The following OTULIN variants were observed in gnomAD, a reference collection of about 807,000 sequenced individuals.
OTULIN encodes the protein ubiquitin thioesterase otulin.
In OTULIN, 15 loss-of-function variants were observed where a neutral mutation model predicts 39.6. The observed-to-expected ratio is 0.38, with a 90% CI of 0.25 to 0.58. OTULIN has a LOEUF of 0.58. OTULIN is among the 20% of genes least tolerant of loss of function. The pLI is 0.66. For synonymous variants in OTULIN, 156 were observed against 170.3 expected, an observed-to-expected ratio of 0.92 and a Z score of 0.65; for missense variants, 319 against 445.9, an observed-to-expected ratio of 0.72 and a Z score of 2.56.
chr5:14,688,253 C>T (rs1302004831), intron 5 of OTULIN, among the ~76,000 whole-genome samples: 4 of 152,132 alleles, frequency 2.6e-5, no homozygotes, highest in African/African-American at 7.2e-5. Flanking sequence ...CTTACATGAC[C>T]CCTAGCTTGC....
chr5:14,710,954 TA>T, the OTULIN span: 1 of 494,124 alleles, frequency 2.0e-6, no homozygotes. Flanking sequence ...GAGGCAGGGG[TA>T]TGAAGTCAGT....
chr5:14,670,450 G>C (rs1412345619), intron 1 of OTULIN, among the ~76,000 whole-genome samples: 2 of 151,870 alleles, frequency 1.3e-5, no homozygotes, highest in Non-Finnish European at 2.9e-5. Flanking sequence ...TTATTTTTTG[G>C]CTCTGTTTCT....
At chr5:14,702,285 G>A (rs533709979), downstream of OTULIN, among the ~76,000 whole-genome samples, 12 of 152,250 alleles carry the variant, frequency 7.9e-5, no homozygotes, top group South Asian at 6.2e-4. Flanking sequence ...TGGGCTGAAG[G>A]CCACAGCCCT....
rs1215863653 is a variant in OTULIN, at chr5:14,695,999, T to A, written c.*2951T>A. The A allele has an allele frequency of 6.6e-6, 1 of 152,130 alleles. No homozygotes were observed. Among genetic ancestry groups the A allele is most frequent in the Non-Finnish European group, 1.5e-5 (1 of 68,000 alleles). 9.4% of individuals were successfully genotyped at this position (152,130 alleles called of 1,614,324 possible). On this transcript the variant is annotated 3_prime_UTR_variant, in exon 7 of 7. Coordinates refer to ENST00000284274, the MANE Select transcript of OTULIN (RefSeq NM_138348.6). ...ACGGACATTGCCTTGGTATGTTTTT[T>A]TTTTTTTTTCCCTCCACTTTTGGAG...
intron 2 of OTULIN, chr5:14,673,948 A>C: frequency 3.2e-6 from 1 of 310,558 alleles, no homozygotes. Flanking sequence ...TTTCACACCT[A>C]TGAGGATTGT....
In OTULIN at chr5:14,697,654, T is replaced by G. The variant is rs925325879; in HGVS notation, c.*4606T>G. 2 of 152,224 alleles carry G rather than the reference T, an allele frequency of 1.3e-5. No individual in the cohort carries two copies. Among genetic ancestry groups the G allele is most frequent in the South Asian group, 4.1e-4 (2 of 4,830 alleles). The allele number at this position is 152,224 out of a possible 1,614,324, so 9.4% of individuals were successfully genotyped here. A position where few individuals can be genotyped will look rare whatever the true frequency, so the allele number is the denominator to read the frequency against. On this transcript the variant is annotated 3_prime_UTR_variant, in exon 7 of 7. Transcript: ENST00000284274. ...GATGTGTGTGTGGTCCCAGACCTCA[T>G]GGCCACCAGTTTGTTTAAGCATTGT... is the stretch of plus-strand genomic sequence containing the variant.
At chr5:14,673,990 A>C (rs1029605936) in intron 2 of OTULIN, 9 of 213,976 alleles carry the variant, frequency 4.2e-5, no homozygotes, top group Non-Finnish European at 7.4e-5. Context: ...GTCCTCTCTC[A>C]GTTCTTGATT....
chr5:14,703,324 C>CAAAAAA (rs59779015), downstream of OTULIN, among the ~76,000 whole-genome samples: 19 of 122,090 alleles, frequency 1.6e-4, 1 homozygote, highest in Admixed American at 2.4e-4. Flanking sequence ...TTAATAGTGT[C>CAAAAAA]AAAAAAAAAA....
chr5:14,678,036 G>A lies in OTULIN; in HGVS notation c.230-645G>A, dbSNP rs1736149001. Reference sequence around the variant, plus strand: ...GGAGCTTGTGTTTTACTGTATTTTTGTATGGGTGTGTGTGGGGGGTGGTGG... The same window carrying A: ...GGAGCTTGTGTTTTACTGTATTTTTATATGGGTGTGTGTGGGGGGTGGTGG... On this transcript the variant is annotated intron_variant, in intron 2 of 6. Transcript: ENST00000284274. 2.0e-5 allele frequency among the ~76,000 whole-genome samples: 3 copies of A among 152,322 alleles called. No individual in the cohort carries two copies. The South Asian group carries it at 6.2e-4, about 32-fold the overall frequency.
At chr5:14,681,406 T>TTA in intron 3 of OTULIN, 58 bp from the exon 4 acceptor site, 1 of 1,530,968 alleles carries the variant, frequency 6.5e-7, no homozygotes, top group Non-Finnish European at 8.8e-7. Context: ...GAATGAAACT[T>TTA]TCTCTGCTAT....
At chr5:14,670,745 C>T (rs1301186157) in intron 1 of OTULIN, among the ~76,000 whole-genome samples, 1 of 152,000 alleles carries the variant, frequency 6.6e-6, no homozygotes, top group Non-Finnish European at 1.5e-5. Flanking sequence ...GGGGGGATTA[C>T]AGGTGAGTGC....
At chr5:14,672,120 G>T (rs1735993933) in intron 1 of OTULIN, among the ~76,000 whole-genome samples, 1 of 152,192 alleles carries the variant, frequency 6.6e-6, no homozygotes, top group Non-Finnish European at 1.5e-5. Flanking sequence ...TGATGTGTTT[G>T]GCAGGGGGCA....
the OTULIN span, chr5:14,705,604 C>G: frequency 3.9e-5 from 6 of 152,530 alleles, no homozygotes; most frequent in Admixed American, 3.9e-4. Context: ...CTCCTTGGCC[C>G]TACTAGCTTT....
rs1479417162 is a variant in OTULIN at position 14,699,211 on chromosome 5, A to G, written c.*6163A>G. 1 of 152,266 alleles carries G rather than the reference A, an allele frequency of 6.6e-6. No homozygotes were observed. Among genetic ancestry groups the G allele is most frequent in the African/African-American group, 2.4e-5 (1 of 41,458 alleles). The allele number at this position is 152,266 out of a possible 1,614,324, so 9.4% of individuals were successfully genotyped here. On this transcript the variant is annotated 3_prime_UTR_variant, in exon 7 of 7. Transcript: ENST00000284274. The stretch of plus-strand genomic sequence containing the variant: ...TGGCAAGAACTTCAACAAATTGCTT[A>G]TGAATCAGGCTCTCAATGGAAGAAG...
chr5:14,703,881 G>A (rs1186311311), downstream of OTULIN, among the ~76,000 whole-genome samples: 1 of 152,154 alleles, frequency 6.6e-6, no homozygotes, highest in Admixed American at 6.5e-5. Flanking sequence ...AAAAGGAGCA[G>A]TAAGGAAGGA....
intron 6 of OTULIN, among the ~76,000 whole-genome samples, chr5:14,692,452 G>A (rs1417543900): frequency 1.3e-5 from 2 of 152,152 alleles, no homozygotes; most frequent in Non-Finnish European, 2.9e-5. Context: ...CTATCTCATT[G>A]TAGTTGGATT....
intron 4 of OTULIN, among the ~76,000 whole-genome samples, chr5:14,685,653 T>G (rs250439): frequency 1.3e-5 from 2 of 152,030 alleles, no homozygotes; most frequent in Admixed American, 1.3e-4. Context: ...TCAGAAACAA[T>G]TGTTTCTCTC....
chr5:14,671,522 G>A (rs1735977958), intron 1 of OTULIN, among the ~76,000 whole-genome samples: 3 of 152,232 alleles, frequency 2.0e-5, no homozygotes, highest in Admixed American at 1.3e-4. Flanking sequence ...GGGGCTGAAA[G>A]ATGTTAAATT....
chr5:14,689,937 C>A (rs1736482204), intron 5 of OTULIN, 102 bp from the exon 6 acceptor site: 1 of 1,229,376 alleles, frequency 8.1e-7, no homozygotes, highest in Non-Finnish European at 1.1e-6. Context: ...GGTAAGTGAC[C>A]CATGGTCACT....
Sources: gnomAD v4.1 joint callset for allele counts (sites outside exome capture counted in the v4.1 genomes callset) on GRCh38, gnomAD v4.1.1 for gene constraint, MANE v1.5 for transcripts, NCBI Gene and HGNC (gene_info 2026-07-23, HGNC 2026-07-21) for gene names.